The following PTPRD variants were observed in gnomAD, a reference collection of about 807,000 sequenced individuals.
The protein encoded by PTPRD is protein tyrosine phosphatase receptor type D.
PTPRD carries 34 observed loss-of-function variants against 214.5 expected under a neutral mutation model. The observed-to-expected ratio is 0.16, with a 90% CI of 0.12 to 0.21. The LOEUF is 0.21. Ranked by LOEUF, PTPRD falls within the 10% of genes least tolerant of loss-of-function variation. The pLI is 1.00. For missense variants in PTPRD, 2,545 were observed against 2,398.7 expected (o/e 1.06, Z -1.27); for synonymous variants, 1,128 against 845.7 (o/e 1.33, Z -5.79).
intron 4 of PTPRD, among the ~76,000 whole-genome samples, chr9:10,020,403 G>A (rs2096826412): frequency 6.8e-6 from 1 of 147,086 alleles, no homozygotes; most frequent in African/African-American, 2.5e-5. Flanking sequence ...TCGGGTTCAA[G>A]CGATTCTCTT....
intron 9 of PTPRD, among the ~76,000 whole-genome samples, chr9:9,363,726 T>C (rs1164632904): frequency 1.3e-5 from 2 of 151,318 alleles, no homozygotes; most frequent in Non-Finnish European, 3.0e-5. Context: ...CTAGATTCTC[T>C]AAGAGAGCTT....
At chr9:8,501,925 C>G (rs958307792) in intron 23 of PTPRD, among the ~76,000 whole-genome samples, 1 of 152,126 alleles carries the variant, frequency 6.6e-6, no homozygotes, top group African/African-American at 2.4e-5. Context: ...TCATTTATCC[C>G]TTACAAAATG....
chr9:10,353,499 A>C (rs1411985093), intron 2 of PTPRD, among the ~76,000 whole-genome samples: 2 of 151,932 alleles, frequency 1.3e-5, no homozygotes, highest in African/African-American at 4.8e-5. Context: ...AGAATACAAC[A>C]TTTCTTACCA....
chr9:9,756,346 G>T (rs1344797033), intron 6 of PTPRD, among the ~76,000 whole-genome samples: 1 of 152,000 alleles, frequency 6.6e-6, no homozygotes, highest in Non-Finnish European at 1.5e-5. Flanking sequence ...TAGAACACTA[G>T]TTCCTTTGGA....
Position 8,730,822 on chromosome 9 carries a change from A to G in PTPRD, c.64+2958T>C, listed in dbSNP as rs116790610. On this transcript the variant is annotated intron_variant, in intron 12 of 45. Transcript: ENST00000381196. The stretch of plus-strand genomic sequence containing the variant: ...CACAAAACTGGTTGGCCAGCCCTGA[A>G]GAAGAGCTTACTCATGCTGCTCGAA... Among the ~76,000 whole-genome samples, 511 of 152,296 alleles carry G rather than the reference A, an allele frequency of 3.4e-3. 9 individuals are homozygous for G. The highest frequency in any genetic ancestry group is 0.012 in the African/African-American group (494 of 41,556).
intron 9 of PTPRD, among the ~76,000 whole-genome samples, chr9:9,381,721 T>C (rs565183517): frequency 1.0e-4 from 15 of 150,222 alleles, no homozygotes; most frequent in Non-Finnish European, 2.1e-4. Flanking sequence ...TTTGTTTTTT[T>C]TTGTTTGTTT....
In PTPRD at chr9:9,430,690, G is replaced by T. The variant is rs191004297; in HGVS notation, c.-236-33208C>A. Among the ~76,000 whole-genome samples the T allele has an allele frequency of 2.4e-3, 366 of 152,156 alleles. 3 individuals carry two copies. The highest frequency in any genetic ancestry group is 8.1e-3 in the African/African-American group (336 of 41,516). ...ACAGTAACCAAAACAGCATTGTACT[G>T]GTACCAAAAGAGAGATACAGACCAA... is the stretch of plus-strand genomic sequence containing the variant. On this transcript the variant is annotated intron_variant, in intron 8 of 45. Transcript: ENST00000381196.
chr9:9,283,399 C>T (rs985485123), intron 9 of PTPRD, among the ~76,000 whole-genome samples: 3 of 151,474 alleles, frequency 2.0e-5, no homozygotes, highest in Non-Finnish European at 4.4e-5. Flanking sequence ...AATGTCCCAT[C>T]TACAAATGAA....
intron 10 of PTPRD, among the ~76,000 whole-genome samples, chr9:9,048,678 G>A (rs1224882640): frequency 2.6e-5 from 4 of 152,142 alleles, no homozygotes; most frequent in Non-Finnish European, 5.9e-5. Flanking sequence ...GGCAGTGGCA[G>A]TGGGGCAGGT....
intron 7 of PTPRD, among the ~76,000 whole-genome samples, chr9:9,691,304 T>G (rs1044554226): frequency 9.7e-4 from 147 of 152,164 alleles, no homozygotes; most frequent in African/African-American, 3.4e-3. Context: ...CTTCCTAGCC[T>G]TTTGAAACCA....
At chr9:9,108,413 T>A (rs1318851626) in intron 10 of PTPRD, among the ~76,000 whole-genome samples, 2 of 152,154 alleles carry the variant, frequency 1.3e-5, no homozygotes, top group Non-Finnish European at 2.9e-5. Flanking sequence ...TGTGCTATGC[T>A]GCAATGAAAA....
chr9:10,068,490 A>C (rs1231946041), intron 3 of PTPRD, among the ~76,000 whole-genome samples: 1 of 151,930 alleles, frequency 6.6e-6, no homozygotes, highest in East Asian at 1.9e-4. Flanking sequence ...TTTCACACAC[A>C]AACTACTTAA....
At chr9:9,032,957 C>G (rs1397548574) in intron 10 of PTPRD, among the ~76,000 whole-genome samples, 1 of 152,064 alleles carries the variant, frequency 6.6e-6, no homozygotes, top group Admixed American at 6.6e-5. Context: ...ACTCTCAGAC[C>G]AGCAGATACA....
At chr9:8,403,773 T>C (rs929431320) in intron 36 of PTPRD, among the ~76,000 whole-genome samples, 2 of 152,214 alleles carry the variant, frequency 1.3e-5, no homozygotes, top group Non-Finnish European at 2.9e-5. Context: ...ACTTAATTTA[T>C]ATTAACCACC....
chr9:9,154,229 G>GT (rs1190524356), intron 10 of PTPRD, among the ~76,000 whole-genome samples: 1 of 152,162 alleles, frequency 6.6e-6, no homozygotes, highest in Non-Finnish European at 1.5e-5. Context: ...AAAAAAATAT[G>GT]TTTATAGTAA....
At chr9:8,542,351 G>C (rs557937432) in intron 14 of PTPRD, among the ~76,000 whole-genome samples, 4 of 152,284 alleles carry the variant, frequency 2.6e-5, no homozygotes, top group Admixed American at 6.5e-5. Flanking sequence ...TGTTATTTAG[G>C]ATAGTACCGA....
At chr9:9,637,106 T>C (rs1287282261) in intron 7 of PTPRD, among the ~76,000 whole-genome samples, 2 of 152,118 alleles carry the variant, frequency 1.3e-5, no homozygotes, top group Admixed American at 6.6e-5. Flanking sequence ...CCCAAAACTA[T>C]TACAGTATGG....
chr9:10,152,150 C>T (rs1015522684), intron 3 of PTPRD, among the ~76,000 whole-genome samples: 2 of 152,094 alleles, frequency 1.3e-5, no homozygotes, highest in Admixed American at 1.3e-4. Context: ...TTTTTGCATT[C>T]CCACAAGCAA....
intron 7 of PTPRD, among the ~76,000 whole-genome samples, chr9:9,648,027 C>G (rs1474696063): frequency 6.6e-6 from 1 of 152,024 alleles, no homozygotes; most frequent in Non-Finnish European, 1.5e-5. Flanking sequence ...TCTTTTATGT[C>G]TTTGCCATTT....
Sources: gnomAD v4.1 joint callset for allele counts (sites outside exome capture counted in the v4.1 genomes callset) on GRCh38, gnomAD v4.1.1 for gene constraint, MANE v1.5 for transcripts, NCBI Gene and HGNC (gene_info 2026-07-23, HGNC 2026-07-21) for gene names.